Variants in OPRM1 observed in about 807,000 individuals in gnomAD.
OPRM1 encodes opioid receptor mu 1, also known as mu-type opioid receptor.
Under a neutral mutation model 31.8 loss-of-function variants are expected in OPRM1, and 27 were observed. That is an observed-to-expected ratio of 0.85 (90% CI 0.63 to 1.17). OPRM1 has a LOEUF of 1.17. Ranked by LOEUF, OPRM1 falls within the 50% of genes most tolerant of loss-of-function variation. The probability of loss-of-function intolerance (pLI) is 0.00; values close to 1 mark genes in which losing one functional copy is unlikely to be tolerated. For synonymous variants in OPRM1, 196 were observed against 189.9 expected, an observed-to-expected ratio of 1.03 and a Z score of -0.26; for missense variants, 536 against 511.1, an observed-to-expected ratio of 1.05 and a Z score of -0.47.
At chr6:154,241,917 CT>C (rs1455847592) in intron 3 of OPRM1, among the ~76,000 whole-genome samples, 3 of 152,168 alleles carry the variant, frequency 2.0e-5, no homozygotes, top group African/African-American at 7.2e-5. Context: ...AATGGAGAAG[CT>C]ATGCAGCCTG....
At chr6:154,233,203 A>G (rs1363227552) in intron 3 of OPRM1, among the ~76,000 whole-genome samples, 3 of 152,166 alleles carry the variant, frequency 2.0e-5, no homozygotes, top group Non-Finnish European at 4.4e-5. Context: ...TACTGGCCTC[A>G]AGTGATCTGC....
At chr6:154,147,917 A>AT (rs1279978310) in intron 3 of OPRM1, among the ~76,000 whole-genome samples, 1 of 152,180 alleles carries the variant, frequency 6.6e-6, no homozygotes, top group Non-Finnish European at 1.5e-5. Flanking sequence ...AATTCAGCCT[A>AT]TTGGGGTCAG....
intron 1 of OPRM1, among the ~76,000 whole-genome samples, chr6:154,016,176 G>A (rs1311727605): frequency 6.6e-6 from 1 of 152,156 alleles, no homozygotes; most frequent in South Asian, 2.1e-4. Flanking sequence ...GTTTAGAACA[G>A]CAAATGTCAG....
rs2128527082 is a variant in OPRM1, at chr6:154,121,820, T to G, written c.*3099T>G. On this transcript the variant is annotated 3_prime_UTR_variant, in exon 4 of 4. Coordinates refer to ENST00000330432, the MANE Select transcript of OPRM1 (RefSeq NM_000914.5). ...AAAAGTCCCCAAAGCATTCAAAATC[T>G]TTACTTAAGTCAAGTCTATTTATAC... is the stretch of plus-strand genomic sequence containing the variant. Among the ~76,000 whole-genome samples the G allele has an allele frequency of 6.6e-6, 1 of 152,318 alleles. No homozygotes were observed. The highest frequency in any genetic ancestry group is 2.4e-5 in the African/African-American group (1 of 41,572).
exon 4 of OPRM1, chr6:154,246,714 G>A: frequency 6.2e-7 from 1 of 1,613,948 alleles, no homozygotes; most frequent in Non-Finnish European, 8.5e-7. Context: ...AGTCAGCATG[G>A]CCCAGATCTT....
At chr6:154,135,439 C>A (rs1362390776), downstream of OPRM1, among the ~76,000 whole-genome samples, 1 of 151,822 alleles carries the variant, frequency 6.6e-6, no homozygotes, top group Non-Finnish European at 1.5e-5. Flanking sequence ...CACTGCACTC[C>A]AGCCTGGACA....
At chr6:154,109,798 G>C (rs879919282) in intron 3 of OPRM1, among the ~76,000 whole-genome samples, 20,610 of 112,080 alleles carry the variant, frequency 0.18, 1,831 homozygotes, top group Non-Finnish European at 0.27. Flanking sequence ...CTCTCTGTGT[G>C]TGTGTGTGTG....
intron 3 of OPRM1, among the ~76,000 whole-genome samples, chr6:154,161,215 A>AT (rs778278528): frequency 0.11 from 15,198 of 133,778 alleles, 998 homozygotes; most frequent in East Asian, 0.25. Context: ...TTTTCTTTTC[A>AT]TTTTTTTTTT....
At chr6:154,211,155 G>A (rs894090635) in intron 3 of OPRM1, among the ~76,000 whole-genome samples, 44 of 152,210 alleles carry the variant, frequency 2.9e-4, no homozygotes, top group African/African-American at 9.6e-4. Context: ...GGTGGCTCAC[G>A]CTTGTAATCC....
intron 3 of OPRM1, among the ~76,000 whole-genome samples, chr6:154,206,834 G>A (rs1239770369): frequency 2.0e-5 from 3 of 152,224 alleles, no homozygotes; most frequent in Non-Finnish European, 4.4e-5. Flanking sequence ...TGTCTGGAAC[G>A]CTTTTGGGGA....
intron 3 of OPRM1, among the ~76,000 whole-genome samples, chr6:154,182,750 T>A (rs900044279): frequency 2.6e-5 from 4 of 152,098 alleles, no homozygotes; most frequent in Non-Finnish European, 5.9e-5. Context: ...GCATTGTAGA[T>A]AAATATGTTA....
At chr6:154,088,543 G>A (rs1170881233) in intron 1 of OPRM1, among the ~76,000 whole-genome samples, 1 of 152,086 alleles carries the variant, frequency 6.6e-6, no homozygotes, top group Non-Finnish European at 1.5e-5. Context: ...TTAAATAGGT[G>A]TATTTATTTA....
At chr6:154,024,861 C>T (rs928141771) in intron 1 of OPRM1, among the ~76,000 whole-genome samples, 7 of 151,826 alleles carry the variant, frequency 4.6e-5, no homozygotes, top group African/African-American at 1.7e-4. Context: ...CAAAATTCCT[C>T]TTGATATTGA....
At position 154,110,242 on chromosome 6, in the gene OPRM1, G is replaced by GA. The variant is rs34045478; in HGVS notation, c.1165-8434dup. 20 of 578,612 alleles carry GA rather than the reference G, an allele frequency of 3.5e-5. 2 individuals are homozygous for GA. The highest frequency in any genetic ancestry group is 9.5e-5 in the East Asian group (3 of 31,628). 35.8% of individuals were successfully genotyped at this position (578,612 alleles called of 1,614,324 possible). On this transcript the variant is annotated intron_variant, in intron 3 of 3. Transcript: ENST00000330432. Reference sequence around the variant, plus strand: ...ACTTTGTTTTCTGGTGATATTACAAGAAAAAAATCTATGTACCTTTGGGGT... The same window carrying GA: ...ACTTTGTTTTCTGGTGATATTACAAGAAAAAAAATCTATGTACCTTTGGGGT...
In OPRM1 at chr6:154,174,346, C is replaced by A. The variant is rs1227795914; in HGVS notation, c.1165-72347C>A. Among the ~76,000 whole-genome samples, 10 of 152,198 alleles carry A rather than the reference C, an allele frequency of 6.6e-5. No individual in the cohort carries two copies. The East Asian group carries it at 1.9e-3, about 29-fold the overall frequency. On this transcript the variant is annotated intron_variant, in intron 3 of 3. Transcript: ENST00000337049. The stretch of plus-strand genomic sequence containing the variant: ...AATATTAACCTTAAATGTAAATGGG[C>A]TAAATGTCCCAATTAAAAGACACGG...
chr6:154,071,712 T>A (rs1786777472), intron 1 of OPRM1, among the ~76,000 whole-genome samples: 1 of 152,166 alleles, frequency 6.6e-6, no homozygotes, highest in African/African-American at 2.4e-5. Context: ...TGAATGAGCA[T>A]CAGTAATTTT....
At chr6:154,237,901 C>A (rs529654831) in intron 3 of OPRM1, among the ~76,000 whole-genome samples, 1 of 152,168 alleles carries the variant, frequency 6.6e-6, no homozygotes, top group South Asian at 2.1e-4. Flanking sequence ...CTATAAATAT[C>A]AATTCAATAT....
In OPRM1 at chr6:154,167,527, G is replaced by A. The variant is rs58505208; in HGVS notation, c.1164+76055G>A. ...CCTTGTATGAATCAGATGAAAATTC[G>A]AGATCTTATTTATACGACTGTTTAT... On this transcript the variant is annotated intron_variant, in intron 3 of 3. Coordinates refer to the OPRM1 transcript ENST00000337049. 9.1e-3 allele frequency among the ~76,000 whole-genome samples: 1,380 copies of A among 152,232 alleles called. 22 individuals are homozygous for A. The highest frequency in any genetic ancestry group is 0.032 in the African/African-American group (1,311 of 41,532).
intron 3 of OPRM1, among the ~76,000 whole-genome samples, chr6:154,138,944 T>C (rs2128537224): frequency 6.6e-6 from 1 of 152,252 alleles, no homozygotes; most frequent in Admixed American, 6.5e-5. Context: ...GCCCATCTGA[T>C]CTTGTGACCC....
Sources: gnomAD v4.1 joint callset for allele counts (sites outside exome capture counted in the v4.1 genomes callset) on GRCh38, gnomAD v4.1.1 for gene constraint, MANE v1.5 for transcripts, NCBI Gene and HGNC (gene_info 2026-07-23, HGNC 2026-07-21) for gene names.